Variants in DOCK8 observed in about 807,000 individuals in gnomAD.
DOCK8 encodes dedicator of cytokinesis 8.
DOCK8 carries 141 observed loss-of-function variants against 245.6 expected under a neutral mutation model. That is an observed-to-expected ratio of 0.57 (90% CI 0.50 to 0.66). The LOEUF (loss-of-function observed/expected upper bound fraction) is 0.66. Among genes scored for constraint, DOCK8 ranks in the 30% least tolerant of loss-of-function variants. The probability of loss-of-function intolerance (pLI) is 0.00; values close to 1 mark genes in which losing one functional copy is unlikely to be tolerated. For missense variants in DOCK8, 2,965 were observed against 2,603.4 expected (o/e 1.14, Z -3.02); for synonymous variants, 1,168 against 970.2 (o/e 1.20, Z -3.79).
intron 28 of DOCK8, among the ~76,000 whole-genome samples, chr9:412,928 A>G (rs1427907581): frequency 6.6e-6 from 1 of 151,798 alleles, no homozygotes; most frequent in Non-Finnish European, 1.5e-5. Flanking sequence ...TTCGTGTGGA[A>G]ATTCAAGGGA....
intron 6 of DOCK8, among the ~76,000 whole-genome samples, chr9:316,641 A>T (rs1428537469): frequency 6.6e-6 from 1 of 152,210 alleles, no homozygotes; most frequent in African/African-American, 2.4e-5. Flanking sequence ...TCTGAAACTC[A>T]CATACTTACT....
chr9:344,176 CAG>C (rs2051753123), intron 14 of DOCK8, among the ~76,000 whole-genome samples: 1 of 152,188 alleles, frequency 6.6e-6, no homozygotes, highest in African/African-American at 2.4e-5. Flanking sequence ...TGGGGAATGA[CAG>C]AAGAGATTTC....
In DOCK8 at chr9:352,698, C is replaced by T. The variant is rs544734187; in HGVS notation, c.1679+12377C>T. Among the ~76,000 whole-genome samples the T allele has an allele frequency of 6.8e-5, 10 of 146,362 alleles. No homozygotes were observed. In the South Asian group the frequency reaches 1.5e-3, roughly 22 times the overall value. On this transcript the variant is annotated intron_variant, in intron 14 of 47. Transcript: ENST00000432829. Reference sequence around the variant, plus strand: ...TGGAGGTTGCAGTGAGCCAAGATCGCGCCACTGCACTCCAGTCCAGTGACA... The same window carrying T: ...TGGAGGTTGCAGTGAGCCAAGATCGTGCCACTGCACTCCAGTCCAGTGACA...
intron 47 of DOCK8, 67 bp downstream of exon 47, chr9:463,754 G>C: frequency 6.3e-7 from 1 of 1,586,984 alleles, no homozygotes; most frequent in Non-Finnish European, 8.6e-7. Flanking sequence ...CTAGCACCTT[G>C]GGGCATGCTC....
intron 44 of DOCK8, among the ~76,000 whole-genome samples, chr9:447,882 C>A (rs2057313477): frequency 6.6e-6 from 1 of 152,192 alleles, no homozygotes; most frequent in Non-Finnish European, 1.5e-5. Context: ...AGCAGTGACT[C>A]AGTCGGGAGG....
intron 35 of DOCK8, 29 bp downstream of exon 35, chr9:428,525 C>G: frequency 6.2e-7 from 1 of 1,613,656 alleles, no homozygotes; most frequent in African/African-American, 1.3e-5. Flanking sequence ...TTTTCTTCCT[C>G]TTAATTAAGA....
rs115040179 is a variant in DOCK8 at position 300,337 on chromosome 9, T to C, written c.405-4244T>C. Among the ~76,000 whole-genome samples, 1,218 of 152,292 alleles carry C rather than the reference T, an allele frequency of 8.0e-3. 15 individuals carry two copies. The highest frequency in any genetic ancestry group is 0.028 in the African/African-American group (1,152 of 41,550). ...CTTACTTTATCTATCTGGCATTTGA[T>C]CTACCTAATACCTTCCAATATCACC... On this transcript the variant is annotated intron_variant, in intron 4 of 47. Coordinates refer to ENST00000432829, the MANE Select transcript of DOCK8 (RefSeq NM_203447.4).
chr9:463,476 C>G (rs548769530), intron 46 of DOCK8, 41 bp from the exon 47 acceptor site: 1 of 1,611,988 alleles, frequency 6.2e-7, no homozygotes, highest in African/African-American at 1.3e-5. Flanking sequence ...CTAAGCACTT[C>G]AAAGTCATTT....
intron 14 of DOCK8, among the ~76,000 whole-genome samples, chr9:342,012 G>A (rs1375868921): frequency 1.3e-5 from 2 of 152,124 alleles, no homozygotes; most frequent in Non-Finnish European, 2.9e-5. Context: ...TCTAATTGCA[G>A]GAAAACAAGC....
At chr9:301,543 G>A (rs925999476) in intron 4 of DOCK8, among the ~76,000 whole-genome samples, 2 of 152,288 alleles carry the variant, frequency 1.3e-5, no homozygotes, top group Non-Finnish European at 2.9e-5. Context: ...CAGGAAGAGA[G>A]GAAGTCAAAC....
rs140008721 is a variant in DOCK8, at chr9:278,809, A to G, written c.156+7080A>G. Among the ~76,000 whole-genome samples, 99 of 152,356 alleles carry G rather than the reference A, an allele frequency of 6.5e-4. 1 individual carries two copies. In the East Asian group the frequency reaches 0.017, roughly 26 times the overall value. ...AGTGGGCAGTAGGAAATGCAGTCAT[A>G]GAGAAAGCAGGGCTGGGTCACAGGC... On this transcript the variant is annotated intron_variant, in intron 2 of 47. Coordinates refer to ENST00000432829, the MANE Select transcript of DOCK8 (RefSeq NM_203447.4).
intron 2 of DOCK8, among the ~76,000 whole-genome samples, chr9:272,700 A>G (rs1379825104): frequency 6.6e-6 from 1 of 152,204 alleles, no homozygotes; most frequent in Admixed American, 6.5e-5. Flanking sequence ...CTTCATTTTT[A>G]AAACACATTT....
chr9:272,174 G>A (rs868378822), intron 2 of DOCK8, among the ~76,000 whole-genome samples: 27 of 151,942 alleles, frequency 1.8e-4, no homozygotes, highest in Admixed American at 1.0e-3. Flanking sequence ...CACATTTTAG[G>A]TGTACAATTT....
At chr9:264,861 T>C (rs548544355) in intron 1 of DOCK8, among the ~76,000 whole-genome samples, 1 of 152,262 alleles carries the variant, frequency 6.6e-6, no homozygotes, top group Non-Finnish European at 1.5e-5. Context: ...CACAATGATC[T>C]AACCCTTTGA....
At chr9:299,795 G>A (rs1209249876) in intron 4 of DOCK8, among the ~76,000 whole-genome samples, 1 of 151,790 alleles carries the variant, frequency 6.6e-6, no homozygotes, top group Non-Finnish European at 1.5e-5. Context: ...GCCGAGGCAG[G>A]CAGATCACAA....
chr9:251,940 A>T (rs1299533234), intron 1 of DOCK8, among the ~76,000 whole-genome samples: 1 of 151,344 alleles, frequency 6.6e-6, no homozygotes, highest in Non-Finnish European at 1.5e-5. Flanking sequence ...TAACCAGCAC[A>T]TGGGGTGCAG....
upstream of DOCK8, among the ~76,000 whole-genome samples, chr9:211,604 G>A (rs72701203): frequency 0.022 from 3,401 of 152,182 alleles, 118 homozygotes; most frequent in African/African-American, 0.074. Context: ...TATTTACAAA[G>A]AAGTGATATT....
At chr9:286,707 A>G in intron 3 of DOCK8, 71 bp downstream of exon 3, 1 of 1,419,562 alleles carries the variant, frequency 7.0e-7, no homozygotes, top group Non-Finnish European at 1.0e-6. Flanking sequence ...GGTAGGGGAG[A>G]TGCCTTCAAT....
rs866890824 is a variant in DOCK8 at position 307,483 on chromosome 9, C to T, written c.528+2779C>T. 3.0e-4 allele frequency among the ~76,000 whole-genome samples: 45 copies of T among 151,476 alleles called. 1 individual carries two copies. The highest frequency in any genetic ancestry group is 9.4e-4 in the African/African-American group (39 of 41,272). The stretch of plus-strand genomic sequence containing the variant: ...AAGCGATTCTTCTGCCTCAGCCTCC[C>T]GAGTAGCTGGGATTACAGACATGCG... On this transcript the variant is annotated intron_variant, in intron 5 of 47. Coordinates refer to ENST00000432829, the MANE Select transcript of DOCK8 (RefSeq NM_203447.4).
Sources: allele counts gnomAD v4.1 joint callset (sites outside exome capture counted in the v4.1 genomes callset), GRCh38; gene constraint gnomAD v4.1.1; transcripts MANE v1.5; gene names NCBI Gene and HGNC (gene_info 2026-07-23, HGNC 2026-07-21).